Variants in DOCK4 observed in about 807,000 individuals in gnomAD.
DOCK4 encodes dedicator of cytokinesis protein 4.
In DOCK4, 97 loss-of-function variants were observed where a neutral mutation model predicts 268.1. The ratio of observed to expected loss-of-function variants is 0.36; its 90% CI spans 0.31 to 0.43. The LOEUF (loss-of-function observed/expected upper bound fraction) is 0.43. Among genes scored for constraint, DOCK4 ranks in the 20% least tolerant of loss-of-function variants. The pLI is 1.00. For synonymous variants in DOCK4, 954 were observed against 887.2 expected, an observed-to-expected ratio of 1.08 and a Z score of -1.34; for missense variants, 2,145 against 2,455.7, an observed-to-expected ratio of 0.87 and a Z score of 2.67.
intron 1 of DOCK4, 120 bp downstream of exon 1, chr7:112,205,982 C>A: frequency 8.8e-7 from 1 of 1,142,504 alleles, no homozygotes. Flanking sequence ...GTACCAGCTG[C>A]GCGATGCCAG....
intron 8 of DOCK4, among the ~76,000 whole-genome samples, chr7:111,949,854 T>C (rs1430238871): frequency 6.6e-6 from 1 of 152,210 alleles, no homozygotes; most frequent in African/African-American, 2.4e-5. Context: ...ACTGAAATGT[T>C]TGGAGAATAT....
intron 1 of DOCK4, among the ~76,000 whole-genome samples, chr7:112,130,462 T>C (rs987122250): frequency 6.6e-6 from 1 of 152,216 alleles, no homozygotes; most frequent in African/African-American, 2.4e-5. Context: ...ATAAACAAGA[T>C]GTCATGGTTC....
chr7:111,739,384 T>G lies in DOCK4; in HGVS notation c.5122+12A>C. 6.3e-7 allele frequency: 1 copy of G among 1,592,490 alleles called. No homozygotes were observed. The highest frequency in any genetic ancestry group is 8.6e-7 in the Non-Finnish European group (1 of 1,169,176). ...TGGGCACCCTCAGTCTTCCCCACAC[T>G]CTGGCACTGACCTCTGGCACTCGAT... is the stretch of plus-strand genomic sequence containing the variant. On this transcript the variant is annotated intron_variant, in intron 48 of 52. Transcript: ENST00000428084.
At position 111,760,266 on chromosome 7, in the gene DOCK4, C is replaced by T; in HGVS notation, c.4077G>A (p.Gln1359=). 2 of 1,613,988 alleles carry T rather than the reference C, an allele frequency of 1.2e-6. No homozygotes were observed. Among genetic ancestry groups the T allele is most frequent in the Non-Finnish European group, 1.7e-6 (2 of 1,179,884 alleles). ...HDYERLEAFQ[Q]RMLNEFPHAI... ...CATGGGGGAACTCGTTCAGCATTCT[C>T]TGTTGGAAGGCTTCCAGCCTCTCGT... Residue 1359 remains glutamine, a synonymous_variant, in exon 40 of 53, where the codon CAG becomes CAA. Transcript: ENST00000428084.
chr7:112,186,645 T>G (rs1034634607), intron 1 of DOCK4, among the ~76,000 whole-genome samples: 5 of 152,196 alleles, frequency 3.3e-5, no homozygotes, highest in Non-Finnish European at 7.3e-5. Flanking sequence ...CATTAACAAT[T>G]TGAAATCAAA....
At chr7:111,780,961 T>C (rs990279481) in intron 35 of DOCK4, among the ~76,000 whole-genome samples, 9 of 152,166 alleles carry the variant, frequency 5.9e-5, no homozygotes, top group Admixed American at 3.3e-4. Flanking sequence ...ATCAGGATAA[T>C]GTCTCAAGTG....
At chr7:112,004,773 A>G (rs929270710) in intron 1 of DOCK4, among the ~76,000 whole-genome samples, 16 of 152,324 alleles carry the variant, frequency 1.1e-4, no homozygotes, top group African/African-American at 3.8e-4. Flanking sequence ...CACAGCCACC[A>G]CAATTCCCAC....
chr7:111,880,226 TG>T (rs749227803), intron 16 of DOCK4, among the ~76,000 whole-genome samples: 13 of 152,162 alleles, frequency 8.5e-5, no homozygotes, highest in Non-Finnish European at 1.8e-4. Flanking sequence ...CCAATACATC[TG>T]GCAGCAGACT....
rs115091802 is a variant in DOCK4, at chr7:111,916,293, A to G, written c.1067-389T>C. Among the ~76,000 whole-genome samples the G allele has an allele frequency of 3.4e-3, 512 of 152,326 alleles. 5 individuals carry two copies. Among genetic ancestry groups the G allele is most frequent in the African/African-American group, 0.012 (482 of 41,576 alleles). The stretch of plus-strand genomic sequence containing the variant: ...CAAAATGGGAGGTTTAAAACAAAAC[A>G]AAACAAAACAAAAGGCCTATGAATA... On this transcript the variant is annotated intron_variant, in intron 12 of 52. Coordinates refer to ENST00000428084, the MANE Select transcript of DOCK4 (RefSeq NM_001363540.2).
intron 26 of DOCK4, among the ~76,000 whole-genome samples, chr7:111,826,333 T>C (rs538731029): frequency 8.7e-4 from 133 of 152,282 alleles, no homozygotes; most frequent in African/African-American, 3.1e-3. Flanking sequence ...ACTTTTTCCA[T>C]AGTAAGGAGT....
intron 42 of DOCK4, among the ~76,000 whole-genome samples, chr7:111,754,448 ATAAG>A (rs1400348753): frequency 6.6e-6 from 1 of 152,248 alleles, no homozygotes; most frequent in Non-Finnish European, 1.5e-5. Flanking sequence ...TGTGACCTAA[ATAAG>A]GTATGAATTA....
chr7:112,101,602 C>G (rs1399774847), intron 1 of DOCK4, among the ~76,000 whole-genome samples: 1 of 152,146 alleles, frequency 6.6e-6, no homozygotes, highest in Non-Finnish European at 1.5e-5. Flanking sequence ...CCCCTCAGAA[C>G]CCTCCCCCTC....
intron 32 of DOCK4, among the ~76,000 whole-genome samples, chr7:111,785,499 G>A (rs935639701): frequency 2.0e-5 from 3 of 152,168 alleles, no homozygotes; most frequent in Non-Finnish European, 2.9e-5. Flanking sequence ...GACTTCTGAT[G>A]CAGTAAGAGC....
intron 13 of DOCK4, among the ~76,000 whole-genome samples, chr7:111,914,528 C>A (rs934030074): frequency 1.3e-5 from 2 of 152,184 alleles, no homozygotes; most frequent in Non-Finnish European, 2.9e-5. Context: ...ACCAAGTTAG[C>A]CTTCTTGCAG....
At chr7:111,749,847 G>A (rs1389687432) in intron 42 of DOCK4, among the ~76,000 whole-genome samples, 5 of 152,102 alleles carry the variant, frequency 3.3e-5, no homozygotes, top group Admixed American at 1.3e-4. Flanking sequence ...AGATGCTGGG[G>A]AAATAAGTAT....
chr7:112,059,722 T>C (rs1806217882), intron 1 of DOCK4, among the ~76,000 whole-genome samples: 1 of 152,116 alleles, frequency 6.6e-6, no homozygotes, highest in Non-Finnish European at 1.5e-5. Context: ...AACATGGACA[T>C]GTCAAAAGAG....
At chr7:112,005,896 T>C (rs1482514583) in intron 1 of DOCK4, among the ~76,000 whole-genome samples, 4 of 152,192 alleles carry the variant, frequency 2.6e-5, no homozygotes, top group African/African-American at 7.2e-5. Flanking sequence ...GCCCCTGCAA[T>C]CCAGCCTTTG....
Position 111,940,010 on chromosome 7 carries a change from C to G in DOCK4, c.977+100G>C, listed in dbSNP as rs1374854195. 4.9e-6 allele frequency: 6 copies of G among 1,230,108 alleles called. No individual in the cohort carries two copies. In the East Asian group the frequency reaches 1.2e-4, roughly 24 times the overall value. The allele number at this position is 1,230,108 out of a possible 1,614,324, so 76.2% of individuals were successfully genotyped here. The stretch of plus-strand genomic sequence containing the variant: ...TTTTGAGGAATGGCTCATAAACCAC[C>G]CATTGTTCTTCTCTACCCACCTAAA... On this transcript the variant is annotated intron_variant, in intron 11 of 52. Transcript: ENST00000428084.
At chr7:111,940,591 T>A (rs1392039436) in intron 10 of DOCK4, among the ~76,000 whole-genome samples, 1 of 152,208 alleles carries the variant, frequency 6.6e-6, no homozygotes, top group Non-Finnish European at 1.5e-5. Flanking sequence ...CTCTTCCATT[T>A]TCTATTTTTA....
Sources: allele counts gnomAD v4.1 joint callset (sites outside exome capture counted in the v4.1 genomes callset), GRCh38; gene constraint gnomAD v4.1.1; transcripts MANE v1.5; gene names NCBI Gene and HGNC (gene_info 2026-07-23, HGNC 2026-07-21).